Variants in DIAPH2 observed in about 807,000 individuals in gnomAD.
The protein encoded by DIAPH2 is diaphanous related formin 2.
Under a neutral mutation model 92.7 loss-of-function variants are expected in DIAPH2, and 35 were observed. The observed-to-expected ratio is 0.38, with a 90% confidence interval of 0.29 to 0.50. DIAPH2 has a LOEUF of 0.50. Among genes scored for constraint, DIAPH2 ranks in the 20% least tolerant of loss-of-function variants. The probability of loss-of-function intolerance (pLI) is 0.94; values close to 1 mark genes in which losing one functional copy is unlikely to be tolerated. For synonymous variants in DIAPH2, 301 were observed against 280.4 expected (o/e 1.07, Z -0.73); for missense variants, 701 against 819.5 (o/e 0.86, Z 1.77).
chrX:96,939,122 T>G, intron 11 of DIAPH2, 144 bp from the exon 12 acceptor site: 1 of 353,285 alleles, frequency 2.8e-6, no homozygotes, highest in Non-Finnish European at 5.1e-6. Flanking sequence ...TTTATGCAGA[T>G]GTTTAAATAC....
chrX:96,915,784 C>T (rs1313666171), intron 7 of DIAPH2, among the ~76,000 whole-genome samples: 2 of 111,575 alleles, frequency 1.8e-5, no homozygotes, highest in African/African-American at 3.2e-5. Flanking sequence ...TGCATGCACA[C>T]GCATGCACAC....
chrX:97,326,091 C>A (rs752649972), intron 23 of DIAPH2, among the ~76,000 whole-genome samples: 1 of 111,907 alleles, frequency 8.9e-6, no homozygotes, highest in Non-Finnish European at 1.9e-5. Context: ...AAATATTTGT[C>A]GTATAGAAGT....
intron 22 of DIAPH2, among the ~76,000 whole-genome samples, chrX:97,201,037 G>T (rs976385266): frequency 3.6e-5 from 4 of 110,187 alleles, no homozygotes; most frequent in Non-Finnish European, 5.7e-5. Context: ...AACAGGGTCT[G>T]GAGTGGATCT....
chrX:97,370,002 G>A (rs975576895), intron 24 of DIAPH2, among the ~76,000 whole-genome samples: 1 of 111,389 alleles, frequency 9.0e-6, no homozygotes. Context: ...AGCAAAAGTA[G>A]ACTAACCCTC....
At chrX:96,751,600 G>GA (rs1315011325) in intron 3 of DIAPH2, among the ~76,000 whole-genome samples, 6 of 89,971 alleles carry the variant, frequency 6.7e-5, no homozygotes, top group Non-Finnish European at 1.3e-4. Flanking sequence ...TAATAATAAA[G>GA]AAAAAATAAT....
intron 26 of DIAPH2, among the ~76,000 whole-genome samples, chrX:97,540,514 A>G (rs758944998): frequency 8.9e-6 from 1 of 112,412 alleles, no homozygotes; most frequent in Non-Finnish European, 1.9e-5. Flanking sequence ...ATTTTCTGGT[A>G]ATTAGCAACT....
At chrX:97,562,293 C>A (rs1474129333) in intron 26 of DIAPH2, among the ~76,000 whole-genome samples, 9 of 104,441 alleles carry the variant, frequency 8.6e-5, no homozygotes, top group African/African-American at 3.2e-4. Context: ...GTCAGGAGTT[C>A]AAGACCAGCC....
At chrX:97,368,908 T>TTTTC (rs1556036535) in intron 24 of DIAPH2, among the ~76,000 whole-genome samples, 5 of 85,008 alleles carry the variant, frequency 5.9e-5, no homozygotes, top group African/African-American at 1.3e-4. Context: ...TCTTTTTTTT[T>TTTTC]TTTTTTTTTT....
intron 1 of DIAPH2, among the ~76,000 whole-genome samples, chrX:96,725,282 A>G (rs1224101669): frequency 8.9e-6 from 1 of 112,052 alleles, no homozygotes; most frequent in African/African-American, 3.2e-5. Context: ...AACTAAGTAA[A>G]AAACTATTTA....
At chrX:97,400,960 G>A (rs746156522) in intron 25 of DIAPH2, among the ~76,000 whole-genome samples, 4 of 106,267 alleles carry the variant, frequency 3.8e-5, no homozygotes, top group Non-Finnish European at 7.7e-5. Flanking sequence ...ACGAACTCCT[G>A]GGCTCAAGTG....
chrX:97,539,480 T>A (rs1356685718), intron 26 of DIAPH2, among the ~76,000 whole-genome samples: 2 of 111,945 alleles, frequency 1.8e-5, no homozygotes. Context: ...TTCGCTTGAG[T>A]TTCATTAGGT....
At chrX:96,833,884 CT>C (rs2064871457) in intron 4 of DIAPH2, among the ~76,000 whole-genome samples, 1 of 111,167 alleles carries the variant, frequency 9.0e-6, no homozygotes, top group South Asian at 3.8e-4. Flanking sequence ...GTCTCGAACT[CT>C]TAATCTCAAG....
At chrX:96,904,608 G>A (rs1442434588) in intron 5 of DIAPH2, among the ~76,000 whole-genome samples, 3 of 111,193 alleles carry the variant, frequency 2.7e-5, no homozygotes, top group Admixed American at 9.6e-5. Flanking sequence ...TTTAAGATGC[G>A]GAAAATACTA....
At chrX:96,791,841 T>C (rs1160232178) in intron 4 of DIAPH2, among the ~76,000 whole-genome samples, 2 of 110,994 alleles carry the variant, frequency 1.8e-5, no homozygotes, top group African/African-American at 3.3e-5. Flanking sequence ...CCGTAATCCT[T>C]TGGGGAGATC....
At chrX:97,196,397 T>C (rs1401960820) in intron 22 of DIAPH2, among the ~76,000 whole-genome samples, 1 of 112,347 alleles carries the variant, frequency 8.9e-6, no homozygotes, top group Non-Finnish European at 1.9e-5. Flanking sequence ...TAACAGAAGA[T>C]TGTAGGCATT....
chrX:97,118,954 T>A (rs1196238933), intron 21 of DIAPH2, among the ~76,000 whole-genome samples: 2 of 112,066 alleles, frequency 1.8e-5, no homozygotes, highest in Non-Finnish European at 3.8e-5. Flanking sequence ...TCCCTTCACT[T>A]CTTGTATCTT....
At chrX:97,047,271 T>G (rs1485004153) in intron 17 of DIAPH2, among the ~76,000 whole-genome samples, 1 of 110,894 alleles carries the variant, frequency 9.0e-6, no homozygotes, top group Non-Finnish European at 1.9e-5. Flanking sequence ...TGAAAATCAC[T>G]TCATGCATTG....
chrX:96,860,108 G>A lies in DIAPH2; in HGVS notation c.448-21471G>A, dbSNP rs751955541. Among the ~76,000 whole-genome samples the A allele has an allele frequency of 8.0e-5, 9 of 112,143 alleles. No individual in the cohort carries two copies. The South Asian group carries it at 3.0e-3, about 37-fold the overall frequency. ...TACCAAAATCATAGACAGATTAAAAGTAAACATTGAAGTGAAAATATTGTA... is the reference window on the plus strand; with the variant it reads ...TACCAAAATCATAGACAGATTAAAAATAAACATTGAAGTGAAAATATTGTA... On this transcript the variant is annotated intron_variant, in intron 4 of 26. Coordinates refer to ENST00000324765, the MANE Select transcript of DIAPH2 (RefSeq NM_006729.5).
chrX:97,542,320 C>G (rs2071146324), intron 26 of DIAPH2, among the ~76,000 whole-genome samples: 1 of 111,844 alleles, frequency 8.9e-6, no homozygotes, highest in Non-Finnish European at 1.9e-5. Context: ...GGACAACACC[C>G]TAGTGGAGGC....
Sources: allele counts gnomAD v4.1 joint callset (sites outside exome capture counted in the v4.1 genomes callset), GRCh38; gene constraint gnomAD v4.1.1; transcripts MANE v1.5; gene names NCBI Gene and HGNC (gene_info 2026-07-23, HGNC 2026-07-21).